VPS13C: variants seen among roughly 807,000 people sequenced by gnomAD.
The protein encoded by VPS13C is intermembrane lipid transfer protein VPS13C.
In VPS13C, 358 loss-of-function variants were observed where a neutral mutation model predicts 456.8. That is an observed-to-expected ratio of 0.78 (90% CI 0.72 to 0.86). VPS13C has a LOEUF of 0.86. Among genes scored for constraint, VPS13C ranks in the 40% least tolerant of loss-of-function variants. The pLI is 0.00. For missense variants in VPS13C, 4,818 were observed against 4,385.4 expected, an observed-to-expected ratio of 1.10 and a Z score of -2.79; for synonymous variants, 1,578 against 1,486.7, an observed-to-expected ratio of 1.06 and a Z score of -1.41.
intron 80 of VPS13C, among the ~76,000 whole-genome samples, 168 bp downstream of exon 80, chr15:61,869,332 T>C (rs1047201533): frequency 1.3e-5 from 2 of 152,076 alleles, no homozygotes; most frequent in African/African-American, 2.4e-5. Flanking sequence ...TCGCAAAATA[T>C]GTCTTTTCTT....
intron 53 of VPS13C, among the ~76,000 whole-genome samples, chr15:61,923,861 C>CTATT (rs2043744071): frequency 1.3e-5 from 1 of 75,124 alleles, no homozygotes; most frequent in African/African-American, 5.7e-5. Flanking sequence ...CCCTCTAAAT[C>CTATT]TTTTTTTTTT....
chr15:62,017,904 C>G (rs566795782), intron 9 of VPS13C, among the ~76,000 whole-genome samples: 13 of 152,262 alleles, frequency 8.5e-5, no homozygotes, highest in South Asian at 4.1e-4. Flanking sequence ...GATATTGATT[C>G]TTCCTATCCA....
At chr15:61,953,566 A>G (rs1206152173) in intron 38 of VPS13C, among the ~76,000 whole-genome samples, 1 of 151,736 alleles carries the variant, frequency 6.6e-6, no homozygotes, top group East Asian at 1.9e-4. Flanking sequence ...AAGGACATGA[A>G]CTCATCATTT....
Position 61,950,421 on chromosome 15 carries a change from C to G in VPS13C, c.4537-4G>C. 1 of 1,608,656 alleles carries G rather than the reference C, an allele frequency of 6.2e-7. No individual in the cohort carries two copies. The highest frequency in any genetic ancestry group is 8.5e-7 in the Non-Finnish European group (1 of 1,175,982). Reference sequence around the variant, plus strand: ...ATTCTGGTCCATCACTGTCTGCCTACAAATAGTGGAGAATTACACCACTGA... The same window carrying G: ...ATTCTGGTCCATCACTGTCTGCCTAGAAATAGTGGAGAATTACACCACTGA... On this transcript the variant is annotated splice_region_variant and splice_polypyrimidine_tract_variant and intron_variant, in intron 40 of 84. Transcript: ENST00000644861.
At chr15:62,040,572 G>C (rs964759521) in intron 3 of VPS13C, among the ~76,000 whole-genome samples, 5 of 152,110 alleles carry the variant, frequency 3.3e-5, no homozygotes, top group East Asian at 3.9e-4. Context: ...TTGAAGGAGG[G>C]GGGTGGAGGT....
chr15:62,023,880 A>G (rs1244388171), intron 6 of VPS13C, 35 bp from the exon 7 acceptor site: 8 of 1,584,984 alleles, frequency 5.0e-6, no homozygotes, highest in Non-Finnish European at 6.9e-6. Context: ...AGAAAAGGAT[A>G]AGATTCAAGT....
intron 41 of VPS13C, among the ~76,000 whole-genome samples, chr15:61,950,109 GT>G (rs1327083539): frequency 2.8e-4 from 42 of 152,238 alleles, no homozygotes; most frequent in African/African-American, 8.4e-4. Flanking sequence ...CCCTTTAAGT[GT>G]ATTATTCACA....
intron 2 of VPS13C, among the ~76,000 whole-genome samples, chr15:62,041,714 G>C (rs533759387): frequency 2.6e-5 from 4 of 152,176 alleles, no homozygotes; most frequent in Non-Finnish European, 4.4e-5. Flanking sequence ...TAGCTAATCA[G>C]GAGGCTGAGG....
chr15:61,870,013 A>G (rs1391817290), intron 79 of VPS13C, among the ~76,000 whole-genome samples: 1 of 152,124 alleles, frequency 6.6e-6, no homozygotes, highest in Non-Finnish European at 1.5e-5. Context: ...TGACCGTTAG[A>G]TTTTTCAAGG....
intron 3 of VPS13C, among the ~76,000 whole-genome samples, chr15:62,037,194 A>T (rs1185789538): frequency 5.2e-5 from 6 of 114,488 alleles, no homozygotes; most frequent in South Asian, 2.3e-4. Context: ...TATAAATATA[A>T]TAAATATAAT....
intron 16 of VPS13C, among the ~76,000 whole-genome samples, chr15:61,997,829 CCT>C (rs552283671): frequency 2.6e-5 from 4 of 151,878 alleles, no homozygotes; most frequent in South Asian, 2.1e-4. Context: ...AACTGCTCCC[CCT>C]GTCTTCACTC....
At position 61,946,247 on chromosome 15, in the gene VPS13C, T is replaced by C. The variant is rs753054995; in HGVS notation, c.4980+60A>G. On this transcript the variant is annotated intron_variant, in intron 44 of 84. Coordinates refer to ENST00000644861, the MANE Select transcript of VPS13C (RefSeq NM_020821.3). ...AAATGTATACTGTGCAAATAAATAA[T>C]AGCATCTCAAATCCAAAAGGCAAAA... 1.8e-4 allele frequency: 223 copies of C among 1,257,392 alleles called. 1 individual carries two copies. The highest frequency in any genetic ancestry group is 3.1e-4 in the Admixed American group (14 of 45,734). The allele number at this position is 1,257,392 out of a possible 1,614,324, so 77.9% of individuals were successfully genotyped here. A position where few individuals can be genotyped will look rare whatever the true frequency, so the allele number is the denominator to read the frequency against.
At chr15:62,005,995 C>T (rs1156525395) in intron 15 of VPS13C, among the ~76,000 whole-genome samples, 11 of 152,018 alleles carry the variant, frequency 7.2e-5, no homozygotes, top group East Asian at 1.9e-4. Flanking sequence ...TGAGCCACCA[C>T]GCCCGGCCGT....
At chr15:61,955,438 G>A (rs1023484006) in intron 37 of VPS13C, among the ~76,000 whole-genome samples, 1 of 152,096 alleles carries the variant, frequency 6.6e-6, no homozygotes, top group African/African-American at 2.4e-5. Context: ...CATTATTGCG[G>A]TTGACATTAT....
At position 61,999,667 on chromosome 15, in the gene VPS13C, AT is replaced by A. The variant is rs1242448529; in HGVS notation, c.1353+896del. On this transcript the variant is annotated intron_variant, in intron 16 of 84. Transcript: ENST00000644861. ...TACAATGAGTTACATTGCATTTGTA[AT>A]TTTTTTTCATCACCAAAAAGTCATG... is the stretch of plus-strand genomic sequence containing the variant. Among the ~76,000 whole-genome samples the A allele has an allele frequency of 7.9e-5, 12 of 151,896 alleles. No individual in the cohort carries two copies. In the South Asian group the frequency reaches 1.2e-3, roughly 16 times the overall value.
chr15:62,027,004 T>TA (rs1439766525), intron 6 of VPS13C, among the ~76,000 whole-genome samples: 1 of 152,040 alleles, frequency 6.6e-6, no homozygotes, highest in African/African-American at 2.4e-5. Flanking sequence ...AAAAATCAAA[T>TA]AATGCTTAGT....
chr15:61,990,916 C>A, intron 18 of VPS13C, 84 bp downstream of exon 18: 1 of 898,456 alleles, frequency 1.1e-6, no homozygotes, highest in Non-Finnish European at 1.8e-6. Context: ...ATTTATATTA[C>A]TTAAAAAAAT....
intron 24 of VPS13C, among the ~76,000 whole-genome samples, chr15:61,975,121 C>T (rs890854362): frequency 3.3e-5 from 5 of 152,012 alleles, no homozygotes; most frequent in African/African-American, 7.2e-5. Flanking sequence ...CACTGGGGTA[C>T]AGTAAAGCAC....
rs142173450 is a variant in VPS13C, at chr15:61,943,132, T to C, written c.5149-1065A>G. Among the ~76,000 whole-genome samples the C allele has an allele frequency of 1.7e-3, 260 of 152,192 alleles. 13 individuals are homozygous for C. The East Asian group carries it at 0.044, about 26-fold the overall frequency. ...AGAAATCACAGATGACACAGACAAA[T>C]GGAAAAACATTCCATGCTCATGGAT... On this transcript the variant is annotated intron_variant, in intron 45 of 84. Coordinates refer to ENST00000644861, the MANE Select transcript of VPS13C (RefSeq NM_020821.3).
Sources: gnomAD v4.1 joint callset for allele counts (sites outside exome capture counted in the v4.1 genomes callset) on GRCh38, gnomAD v4.1.1 for gene constraint, MANE v1.5 for transcripts, NCBI Gene and HGNC (gene_info 2026-07-23, HGNC 2026-07-21) for gene names.